Variants in GLS observed in about 807,000 individuals in gnomAD.
The protein encoded by GLS is glutaminase kidney isoform, mitochondrial.
GLS carries 36 observed loss-of-function variants against 86.7 expected under a neutral mutation model. The ratio of observed to expected loss-of-function variants is 0.42; its 90% CI spans 0.32 to 0.55. The LOEUF (loss-of-function observed/expected upper bound fraction) is 0.55, where lower values mean the gene tolerates loss of function less well. Ranked by LOEUF, GLS falls within the 20% of genes least tolerant of loss-of-function variation. The probability of loss-of-function intolerance (pLI) is 0.17; values close to 1 mark genes in which losing one functional copy is unlikely to be tolerated. For synonymous variants in GLS, 317 were observed against 305.9 expected (o/e 1.04, Z -0.38); for missense variants, 528 against 833.4 (o/e 0.63, Z 4.51).
At chr2:190,899,735 A>G (rs954456931) in intron 3 of GLS, among the ~76,000 whole-genome samples, 7 of 152,126 alleles carry the variant, frequency 4.6e-5, no homozygotes, top group African/African-American at 1.7e-4. Flanking sequence ...AACGTTTTAA[A>G]GGCTACGTTA....
Position 190,914,438 on chromosome 2 carries a change from T to C in GLS, c.1038+4117T>C, listed in dbSNP as rs1689458719. Among the ~76,000 whole-genome samples the C allele has an allele frequency of 6.6e-6, 1 of 152,068 alleles. No individual in the cohort carries two copies. The highest frequency in any genetic ancestry group is 1.5e-5 in the Non-Finnish European group (1 of 67,996). On this transcript the variant is annotated intron_variant, in intron 7 of 17. Transcript: ENST00000320717. This position sits in a 1 kb window ranked among gnomAD's most constrained non-coding sequence, Gnocchi z 4.4. Reference sequence around the variant, plus strand: ...ATATCAGTTTATGCTTTAGTTTTTTTTTTTTAATGAAAGGTAGAGCATTTA... The same window carrying C: ...ATATCAGTTTATGCTTTAGTTTTTTCTTTTTAATGAAAGGTAGAGCATTTA...
At chr2:190,889,140 A>G (rs1175737437) in intron 1 of GLS, among the ~76,000 whole-genome samples, 1 of 152,246 alleles carries the variant, frequency 6.6e-6, no homozygotes, top group Non-Finnish European at 1.5e-5. Context: ...ATTTAATTCC[A>G]GCTCATTTTA....
chr2:190,903,814 C>T (rs994033591), intron 5 of GLS, among the ~76,000 whole-genome samples: 1 of 152,058 alleles, frequency 6.6e-6, no homozygotes, highest in African/African-American at 2.4e-5. Flanking sequence ...TATAGTTACA[C>T]ATGAATAAAT....
At chr2:190,885,534 G>T (rs1240734344) in intron 1 of GLS, among the ~76,000 whole-genome samples, 1 of 152,124 alleles carries the variant, frequency 6.6e-6, no homozygotes, top group Non-Finnish European at 1.5e-5. Flanking sequence ...ATGAATTTCA[G>T]CGAACATTGA....
intron 3 of GLS, among the ~76,000 whole-genome samples, 192 bp from the exon 4 acceptor site, chr2:190,900,372 A>C (rs1053521150): frequency 2.6e-5 from 4 of 152,188 alleles, no homozygotes; most frequent in African/African-American, 9.6e-5. Context: ...TACACGTTCA[A>C]CAGCTTACAA....
rs892743528 is a variant in GLS at position 190,920,645 on chromosome 2, T to C, written c.1039-379T>C. On this transcript the variant is annotated intron_variant, in intron 7 of 17. Transcript: ENST00000320717. This position sits in a 1 kb window ranked among gnomAD's most constrained non-coding sequence, Gnocchi z 4.2. The stretch of plus-strand genomic sequence containing the variant: ...AATATTTTATATATACTTAATTCTT[T>C]TCGAAGGGTGAAACTTTATTTTAAG... Among the ~76,000 whole-genome samples the C allele has an allele frequency of 4.6e-5, 7 of 151,632 alleles. No homozygotes were observed. Among genetic ancestry groups the C allele is most frequent in the African/African-American group, 1.2e-4 (5 of 41,426 alleles).
At chr2:190,927,252 A>T in intron 11 of GLS, 54 bp from the exon 12 acceptor site, 1 of 1,254,584 alleles carries the variant, frequency 8.0e-7, no homozygotes, top group African/African-American at 1.5e-5. Flanking sequence ...TTATCTTAAA[A>T]GTGAACAGTA....
intron 4 of GLS, among the ~76,000 whole-genome samples, chr2:190,901,502 C>A (rs1426565383): frequency 6.6e-6 from 1 of 151,734 alleles, no homozygotes; most frequent in Non-Finnish European, 1.5e-5. Flanking sequence ...AAGTTTAAAT[C>A]CATGTTCAAG....
Position 190,923,885 on chromosome 2 carries a change from C to G in GLS, c.1131-32C>G. 2 of 1,362,054 alleles carry G rather than the reference C, an allele frequency of 1.5e-6. 1 individual carries two copies. The highest frequency in any genetic ancestry group is 2.1e-6 in the Non-Finnish European group (2 of 963,158). The allele number at this position is 1,362,054 out of a possible 1,614,324, so 84.4% of individuals were successfully genotyped here. On this transcript the variant is annotated intron_variant, in intron 9 of 17. Transcript: ENST00000320717. ...AACAATCACACTTTTAAAGAAAGTA[C>G]ATAGAGCAAATGTTTTTTTTTCTTC...
At position 190,895,272 on chromosome 2, in the gene GLS, T is replaced by G. The variant is rs2125982344; in HGVS notation, c.483+24T>G. 1 of 931,858 alleles carries G rather than the reference T, an allele frequency of 1.1e-6. No homozygotes were observed. Among genetic ancestry groups the G allele is most frequent in the South Asian group, 1.5e-5 (1 of 67,502 alleles). The allele number at this position is 931,858 out of a possible 1,614,324, so 57.7% of individuals were successfully genotyped here. ...CAGTAAGTTTTTATATTTTTCTATC[T>G]TAACTTAAAAAAATCAATAATAATA... On this transcript the variant is annotated intron_variant, in intron 2 of 17. Transcript: ENST00000320717. The surrounding 1 kb of genome is among the most constrained non-coding windows in gnomAD (Gnocchi z 4.2).
intron 14 of GLS, among the ~76,000 whole-genome samples, chr2:190,942,066 A>ATTT (rs1160472609): frequency 7.9e-5 from 4 of 50,724 alleles, no homozygotes; most frequent in East Asian, 5.0e-4. Context: ...AACTTTGAAG[A>ATTT]CTTTTTTTTT....
At position 190,921,067 on chromosome 2, in the gene GLS, C is replaced by A. The variant is rs749496214; in HGVS notation, c.1071+11C>A. 3.2e-6 allele frequency: 5 copies of A among 1,582,190 alleles called. No individual in the cohort carries two copies. Among genetic ancestry groups the A allele is most frequent in the Admixed American group, 1.7e-5 (1 of 59,776 alleles). ...GAAAAATTTGACTATGTAAGTGCAA[C>A]ATGTCATTCAGTTTTCATGCCACAT... On this transcript the variant is annotated intron_variant, in intron 8 of 17. Coordinates refer to ENST00000320717, the MANE Select transcript of GLS (RefSeq NM_014905.5). This position sits in a 1 kb window ranked among gnomAD's most constrained non-coding sequence, Gnocchi z 4.2.
chr2:190,912,356 T>C (rs1293148171), intron 7 of GLS, among the ~76,000 whole-genome samples: 1 of 150,404 alleles, frequency 6.6e-6, no homozygotes, highest in East Asian at 1.9e-4. Context: ...CTTTTTTTTT[T>C]TTTTTTTTTA....
intron 7 of GLS, among the ~76,000 whole-genome samples, chr2:190,915,067 G>T (rs1476923341): frequency 1.3e-5 from 2 of 151,256 alleles, no homozygotes; most frequent in Admixed American, 1.3e-4. Context: ...CCAGGCTGGA[G>T]TGCAGTTCTG....
rs571897334 is a variant in GLS, at chr2:190,902,141, A to T, written c.815+115A>T. 5 of 613,794 alleles carry T rather than the reference A, an allele frequency of 8.1e-6. 1 individual carries two copies. The South Asian group carries it at 1.1e-4, about 14-fold the overall frequency. The allele number at this position is 613,794 out of a possible 1,614,324, so 38.0% of individuals were successfully genotyped here. On this transcript the variant is annotated intron_variant, in intron 5 of 17. Transcript: ENST00000320717. ...ATGGAAATTAGTCCTAACAGGATAT[A>T]ATTTCAAAAGGTAAATAAATTTAAA...
rs1558999581 is a variant in GLS, at chr2:190,964,899, T to TATA, written c.*1918_*1920dup. On this transcript the variant is annotated 3_prime_UTR_variant, in exon 18 of 18. Coordinates refer to ENST00000320717, the MANE Select transcript of GLS (RefSeq NM_014905.5). The surrounding 1 kb of genome is among the most constrained non-coding windows in gnomAD (Gnocchi z 5.2). ...ATTACCAATGATTTTGAGGCTTTTCTATAATAAAAAGAGGTTCTAACCATT... is the reference window on the plus strand; with the variant it reads ...ATTACCAATGATTTTGAGGCTTTTCTATAATAATAAAAAGAGGTTCTAACCATT... The TATA allele has an allele frequency of 6.6e-6, 1 of 152,244 alleles. No homozygotes were observed. Among genetic ancestry groups the TATA allele is most frequent in the Non-Finnish European group, 1.5e-5 (1 of 68,042 alleles). 9.4% of individuals were successfully genotyped at this position (152,244 alleles called of 1,614,324 possible). A position where few individuals can be genotyped will look rare whatever the true frequency, so the allele number is the denominator to read the frequency against.
In GLS at chr2:190,943,018, A is replaced by C. The variant is rs1375392729; in HGVS notation, c.1651-10547A>C. Among the ~76,000 whole-genome samples the C allele has an allele frequency of 6.6e-6, 1 of 152,210 alleles. No individual in the cohort carries two copies. On this transcript the variant is annotated intron_variant, in intron 14 of 17. Coordinates refer to ENST00000320717, the MANE Select transcript of GLS (RefSeq NM_014905.5). The surrounding 1 kb of genome is among the most constrained non-coding windows in gnomAD (Gnocchi z 4.5). ...GAGTGATATCTAAATCTAAAGAAAG[A>C]AGCTTTACTGGAAACTCACCTGACG...
chr2:190,947,323 G>A lies in GLS; in HGVS notation c.1651-6242G>A, dbSNP rs2124940293. 6.6e-6 allele frequency among the ~76,000 whole-genome samples: 1 copy of A among 152,316 alleles called. No individual in the cohort carries two copies. The highest frequency in any genetic ancestry group is 2.1e-4 in the South Asian group (1 of 4,826). On this transcript the variant is annotated intron_variant, in intron 14 of 17. Transcript: ENST00000320717. This position sits in a 1 kb window ranked among gnomAD's most constrained non-coding sequence, Gnocchi z 5.0. ...GCTATGCCAAGCATGCCAGTGTTAA[G>A]TGAACTCATGTGAACTGTAACATTT... is the stretch of plus-strand genomic sequence containing the variant.
chr2:190,932,049 T>C (rs770846002), intron 14 of GLS, among the ~76,000 whole-genome samples: 1 of 152,040 alleles, frequency 6.6e-6, no homozygotes, highest in Non-Finnish European at 1.5e-5. Flanking sequence ...GAAGTTTAAC[T>C]TCTTGCATAC....
Sources: gnomAD v4.1 joint callset for allele counts (sites outside exome capture counted in the v4.1 genomes callset) on GRCh38, gnomAD v4.1.1 for gene constraint, Gnocchi (gnomAD v3.1) non-coding constraint, MANE v1.5 for transcripts, NCBI Gene and HGNC (gene_info 2026-07-23, HGNC 2026-07-21) for gene names.